The following CLIC5 variants were observed in gnomAD, a reference collection of about 807,000 sequenced individuals.
CLIC5 encodes chloride intracellular channel protein 5.
A neutral mutation model predicts 24.7 loss-of-function variants in CLIC5; 20 were observed. The observed-to-expected ratio is 0.81, with a 90% CI of 0.57 to 1.18. The LOEUF (loss-of-function observed/expected upper bound fraction) is 1.18. Among genes scored for constraint, CLIC5 ranks in the 50% most tolerant of loss-of-function variants. CLIC5 has a pLI of 0.00. For missense variants in CLIC5, 341 were observed against 326.1 expected (o/e 1.05, Z -0.35); for synonymous variants, 159 against 135.6 (o/e 1.17, Z -1.20).
intron 1 of CLIC5, among the ~76,000 whole-genome samples, chr6:46,006,000 T>TTTA (rs1554160600): frequency 0.027 from 2,883 of 106,140 alleles, 135 homozygotes; most frequent in African/African-American, 0.091. Flanking sequence ...ATATATATAT[T>TTTA]TATATATATA....
At chr6:45,979,221 C>T (rs1436786448) in intron 1 of CLIC5, among the ~76,000 whole-genome samples, 1 of 152,116 alleles carries the variant, frequency 6.6e-6, no homozygotes, top group Non-Finnish European at 1.5e-5. Flanking sequence ...CATGAAGACC[C>T]AGGACACATG....
intron 1 of CLIC5, among the ~76,000 whole-genome samples, chr6:46,025,497 C>T (rs867313221): frequency 6.6e-6 from 1 of 152,120 alleles, no homozygotes; most frequent in Non-Finnish European, 1.5e-5. Flanking sequence ...GTTAGAGTCC[C>T]AAGTATCTGC....
intron 1 of CLIC5, among the ~76,000 whole-genome samples, chr6:45,993,193 G>A (rs1019099974): frequency 6.6e-6 from 1 of 152,142 alleles, no homozygotes; most frequent in African/African-American, 2.4e-5. Flanking sequence ...CATATGAGCA[G>A]AAAACATCTA....
At chr6:45,892,993 A>T (rs1436892680) in intron 6 of CLIC5, among the ~76,000 whole-genome samples, 1 of 152,166 alleles carries the variant, frequency 6.6e-6, no homozygotes, top group East Asian at 1.9e-4. Context: ...TGCTCCTTTC[A>T]TTATCTTCCT....
chr6:45,928,887 G>A (rs553668972), intron 4 of CLIC5, among the ~76,000 whole-genome samples: 177 of 152,226 alleles, frequency 1.2e-3, no homozygotes, highest in Middle Eastern at 3.4e-3. Flanking sequence ...GGTAACGGTA[G>A]GAAGAGGTGA....
chr6:45,995,858 A>G (rs1418336384), intron 1 of CLIC5, among the ~76,000 whole-genome samples: 2 of 152,220 alleles, frequency 1.3e-5, no homozygotes, highest in Non-Finnish European at 2.9e-5. Flanking sequence ...AAGCTAACAC[A>G]GAAACAGAAG....
intron 1 of CLIC5, among the ~76,000 whole-genome samples, chr6:46,025,147 A>T (rs1419890035): frequency 6.6e-6 from 1 of 152,166 alleles, no homozygotes; most frequent in Non-Finnish European, 1.5e-5. Context: ...TGGTGGTTCA[A>T]CCTCTCGGAG....
At position 45,914,299 on chromosome 6, in the gene CLIC5, G is replaced by A. The variant is rs185489229; in HGVS notation, c.517C>T (p.Arg173Cys). Residue 173 changes from arginine (R) to cysteine (C), a missense_variant, in exon 5 of 6, where the codon CGC (arginine) becomes TGC (cysteine). Transcript: ENST00000339561. ...AGCTCATCCCCATCCAGGAACTTGC[G>A]CCGGGACCCCTTGTCTTCCCCACAA... ...NTCGEDKGSR[R>C]KFLDGDELTL... 21 of 1,607,288 alleles carry A rather than the reference G, an allele frequency of 1.3e-5. No individual in the cohort carries two copies. The highest frequency in any genetic ancestry group is 1.7e-5 in the Non-Finnish European group (20 of 1,175,528).
chr6:45,916,696 T>C (rs1361340448), intron 4 of CLIC5, among the ~76,000 whole-genome samples: 1 of 152,216 alleles, frequency 6.6e-6, no homozygotes, highest in Non-Finnish European at 1.5e-5. Flanking sequence ...AGAGCAGTGA[T>C]TGAAGTTCCT....
intron 1 of CLIC5, among the ~76,000 whole-genome samples, chr6:46,041,570 G>A (rs1225877780): frequency 5.9e-5 from 9 of 151,996 alleles, no homozygotes; most frequent in Admixed American, 5.9e-4. Context: ...AAGAAAACAG[G>A]GATTTTTTTG....
chr6:45,992,920 T>C (rs1184514925), intron 1 of CLIC5, among the ~76,000 whole-genome samples: 1 of 152,150 alleles, frequency 6.6e-6, no homozygotes, highest in African/African-American at 2.4e-5. Flanking sequence ...TGTGCATCTG[T>C]GTGTGTGTGC....
chr6:46,057,720 C>G (rs1768298618), intron 1 of CLIC5, among the ~76,000 whole-genome samples: 1 of 152,180 alleles, frequency 6.6e-6, no homozygotes, highest in Non-Finnish European at 1.5e-5. Flanking sequence ...GGCTGGATAC[C>G]AGAACCATCC....
intron 6 of CLIC5, among the ~76,000 whole-genome samples, chr6:45,887,331 C>G (rs1762313292): frequency 6.6e-6 from 1 of 152,132 alleles, no homozygotes; most frequent in Admixed American, 6.5e-5. Flanking sequence ...TGTCTCTTCC[C>G]CCTTCTGCTA....
At chr6:46,037,343 G>A (rs1767690722) in intron 1 of CLIC5, among the ~76,000 whole-genome samples, 1 of 152,142 alleles carries the variant, frequency 6.6e-6, no homozygotes, top group Non-Finnish European at 1.5e-5. Flanking sequence ...ATTGTTGGGT[G>A]GAAAGGGCTG....
intron 1 of CLIC5, among the ~76,000 whole-genome samples, chr6:45,979,861 T>C (rs1199033895): frequency 6.6e-6 from 1 of 152,190 alleles, no homozygotes; most frequent in Non-Finnish European, 1.5e-5. Flanking sequence ...GTTGATAGTT[T>C]CTTTTGCTAT....
intron 1 of CLIC5, among the ~76,000 whole-genome samples, chr6:46,076,010 C>A (rs774492333): frequency 2.6e-5 from 4 of 152,214 alleles, no homozygotes; most frequent in Non-Finnish European, 4.4e-5. Context: ...CATCTCTTGC[C>A]TGAAGTTTGT....
rs1361065538 is a variant in CLIC5, at chr6:45,900,090, TC to T, written c.*2997del. The T allele has an allele frequency of 2.0e-5, 3 of 152,138 alleles. No homozygotes were observed. The highest frequency in any genetic ancestry group is 2.9e-5 in the Non-Finnish European group (2 of 68,024). 9.4% of individuals were successfully genotyped at this position (152,138 alleles called of 1,614,324 possible). On this transcript the variant is annotated 3_prime_UTR_variant, in exon 6 of 6. Transcript: ENST00000339561. ...CTTTTTACAGTTATTAAAATCTTAC[TC>T]AATACCTTCTCTCTGGGCCAAACTC...
the CLIC5 span, among the ~76,000 whole-genome samples, chr6:46,127,952 TC>T: frequency 1.3e-5 from 2 of 152,188 alleles, no homozygotes; most frequent in Non-Finnish European, 2.9e-5. Flanking sequence ...AGAAGTCTAC[TC>T]TGTTAAAAGC....
At chr6:46,014,446 T>C (rs1402368771) in intron 1 of CLIC5, 1 of 152,218 alleles carries the variant, frequency 6.6e-6, no homozygotes, top group Admixed American at 6.5e-5. Context: ...CAGTGACTCT[T>C]CCCTTCTCAG....
Sources: gnomAD v4.1 joint callset for allele counts (sites outside exome capture counted in the v4.1 genomes callset) on GRCh38, gnomAD v4.1.1 for gene constraint, MANE v1.5 for transcripts, NCBI Gene and HGNC (gene_info 2026-07-23, HGNC 2026-07-21) for gene names.